The following KBTBD3 variants were observed in gnomAD, a reference collection of about 807,000 sequenced individuals.
KBTBD3 encodes kelch repeat and BTB domain containing 3.
KBTBD3 carries 38 observed loss-of-function variants against 49.6 expected under a neutral mutation model. That is an observed-to-expected ratio of 0.77 (90% confidence interval 0.59 to 1.00). KBTBD3 has a LOEUF of 1.00. Ranked by LOEUF, KBTBD3 falls within the 50% of genes least tolerant of loss-of-function variation. The pLI is 0.00. For synonymous variants in KBTBD3, 214 were observed against 250.4 expected (o/e 0.85, Z 1.37); for missense variants, 661 against 712.0 (o/e 0.93, Z 0.81).
intron 2 of KBTBD3, among the ~76,000 whole-genome samples, chr11:106,073,512 G>C (rs1860965053): frequency 6.6e-6 from 1 of 152,120 alleles, no homozygotes; most frequent in South Asian, 2.1e-4. Context: ...GATAATTTAA[G>C]TAATTTGGCT....
chr11:106,054,854 C>T (rs1860520156), intron 3 of KBTBD3, among the ~76,000 whole-genome samples: 2 of 151,972 alleles, frequency 1.3e-5, no homozygotes, highest in South Asian at 4.1e-4. Context: ...TTATTTAGGG[C>T]TTAGGATTTA....
intron 2 of KBTBD3, among the ~76,000 whole-genome samples, chr11:106,072,565 T>C (rs1449257195): frequency 6.6e-6 from 1 of 152,202 alleles, no homozygotes; most frequent in Non-Finnish European, 1.5e-5. Flanking sequence ...TTTAAAAGCC[T>C]TCCATTAAAA....
At chr11:106,076,933 C>A (rs1478207165) in intron 1 of KBTBD3, among the ~76,000 whole-genome samples, 1 of 152,226 alleles carries the variant, frequency 6.6e-6, no homozygotes, top group Non-Finnish European at 1.5e-5. Context: ...AAACAGCCAG[C>A]ATTAGCTCAG....
intron 2 of KBTBD3, among the ~76,000 whole-genome samples, chr11:106,061,979 T>C (rs1860705038): frequency 6.6e-6 from 1 of 151,828 alleles, no homozygotes; most frequent in Non-Finnish European, 1.5e-5. Flanking sequence ...ATTCTCATCA[T>C]CACAGAAAGT....
chr11:106,067,688 T>G lies in KBTBD3; in HGVS notation c.-12-8579A>C, dbSNP rs1416314268. Among the ~76,000 whole-genome samples the G allele has an allele frequency of 2.0e-5, 3 of 149,176 alleles. No homozygotes were observed. In the East Asian group the frequency reaches 5.9e-4, roughly 29 times the overall value. ...AATCAAAATTAAATTCTAAAAAAAG[T>G]TCAAGTAAGCCACAGGAGACAGACA... On this transcript the variant is annotated intron_variant, in intron 2 of 3. Transcript: ENST00000531837.
intron 3 of KBTBD3, chr11:106,057,549 C>T (rs2135000164): frequency 6.6e-6 from 1 of 152,420 alleles, no homozygotes; most frequent in East Asian, 1.9e-4. Flanking sequence ...ACAATTAACA[C>T]AGTAATTGCA....
chr11:106,052,891 T>G lies in KBTBD3; in HGVS notation c.1798A>C (p.Asn600His). ...TEFYCQVIQF[N>H]KYRDPWFSNL... ...GAAAACCATGGGTCTCTGTATTTAT[T>G]AAACTGAATCACCTGGCAGTAAAAT... Residue 600 changes from asparagine to histidine, a missense_variant, in exon 4 of 4, where the codon AAT becomes CAT. Physicochemically the swap from Asn to His is moderately conservative, Grantham distance 68. Transcript: ENST00000531837. The G allele has an allele frequency of 6.2e-7, 1 of 1,613,592 alleles. No individual in the cohort carries two copies. Among genetic ancestry groups the G allele is most frequent in the South Asian group, 1.1e-5 (1 of 91,060 alleles).
At chr11:106,061,068 C>T (rs1295593273) in intron 2 of KBTBD3, among the ~76,000 whole-genome samples, 2 of 152,124 alleles carry the variant, frequency 1.3e-5, no homozygotes, top group Non-Finnish European at 2.9e-5. Flanking sequence ...AAAATCTCAT[C>T]CTCACTGATC....
At chr11:106,075,617 T>G (rs1480645661) in intron 2 of KBTBD3, 3 of 152,176 alleles carry the variant, frequency 2.0e-5, no homozygotes, top group Admixed American at 2.0e-4. Context: ...TAAGCTAAGC[T>G]CTGGAGAATT....
intron 3 of KBTBD3, among the ~76,000 whole-genome samples, chr11:106,057,012 G>T (rs1227182789): frequency 6.6e-6 from 1 of 152,176 alleles, no homozygotes; most frequent in Non-Finnish European, 1.5e-5. Flanking sequence ...AAAAAGAATA[G>T]ATGAAGACAT....
rs1300589898 is a variant in KBTBD3, at chr11:106,058,883, G to A, written c.215C>T (p.Ala72Val). 7.6e-6 allele frequency: 12 copies of A among 1,569,258 alleles called. No homozygotes were observed. The highest frequency in any genetic ancestry group is 1.0e-5 in the Non-Finnish European group (12 of 1,163,232). Residue 72 changes from alanine (A) to valine (V), a missense_variant, in exon 3 of 4, where the codon GCA (alanine) becomes GTA (valine). Physicochemically the swap from Ala to Val is moderately conservative, Grantham distance 64. Transcript: ENST00000531837. ...AAAGTACCTGAAAAAGTCACTGCATGCTGCTAACACACAACGATGACACGG... is the reference window on the plus strand; with the variant it reads ...AAAGTACCTGAAAAAGTCACTGCATACTGCTAACACACAACGATGACACGG... Reference protein sequence around the residue: ...IIPCHRCVLAACSDFFRAMFE... With the variant: ...IIPCHRCVLAVCSDFFRAMFE...
intron 3 of KBTBD3, 51 bp from the exon 4 acceptor site, chr11:106,054,506 T>G (rs778148379): frequency 7.3e-7 from 1 of 1,361,426 alleles, no homozygotes; most frequent in South Asian, 1.9e-5. Flanking sequence ...TATTCCATAA[T>G]TATTTTCAAT....
intron 2 of KBTBD3, among the ~76,000 whole-genome samples, chr11:106,060,096 G>A (rs1321593045): frequency 2.0e-5 from 3 of 151,772 alleles, no homozygotes; most frequent in South Asian, 2.1e-4. Context: ...CCTCATTCAC[G>A]TTTCTTATGA....
At position 106,052,793 on chromosome 11, in the gene KBTBD3, T is replaced by C. The variant is rs192493983; in HGVS notation, c.*57A>G. The stretch of plus-strand genomic sequence containing the variant: ...TAAGATGTATAGATCTTTTTACCTA[T>C]CATTTTGGTTAACAAATTTACTTTA... On this transcript the variant is annotated 3_prime_UTR_variant, in exon 4 of 4. Transcript: ENST00000531837. The C allele has an allele frequency of 5.9e-6, 8 of 1,348,328 alleles. No homozygotes were observed. In the South Asian group the frequency reaches 1.1e-4, roughly 18 times the overall value. 83.5% of individuals were successfully genotyped at this position (1,348,328 alleles called of 1,614,324 possible).
intron 3 of KBTBD3, 176 bp downstream of exon 3, chr11:106,058,689 G>A (rs1054678009): frequency 1.8e-6 from 1 of 552,004 alleles, no homozygotes; most frequent in Non-Finnish European, 3.1e-6. Flanking sequence ...CTCTTAGGGT[G>A]TTGGGATTAC....
rs61018454 is a variant in KBTBD3 at position 106,063,940 on chromosome 11, G to A, written c.-12-4831C>T. ...GAGAGACTCTGTCTCAAAAAGAAAC[G>A]TAATTTAGCATATAATGTGTGTAAA... On this transcript the variant is annotated intron_variant, in intron 2 of 3. Coordinates refer to ENST00000531837, the MANE Select transcript of KBTBD3 (RefSeq NM_198439.3). Among the ~76,000 whole-genome samples, 503 of 152,030 alleles carry A rather than the reference G, an allele frequency of 3.3e-3. 2 individuals carry two copies. Among genetic ancestry groups the A allele is most frequent in the African/African-American group, 0.011 (475 of 41,454 alleles).
intron 3 of KBTBD3, 90 bp downstream of exon 3, chr11:106,058,775 A>T: frequency 1.3e-6 from 1 of 741,496 alleles, no homozygotes; most frequent in Non-Finnish European, 2.2e-6. Flanking sequence ...TTACTGTTGC[A>T]TGTTCTTGTG....
intron 2 of KBTBD3, among the ~76,000 whole-genome samples, chr11:106,069,633 G>A (rs11824559): frequency 0.082 from 12,399 of 151,704 alleles, 538 homozygotes; most frequent in Middle Eastern, 0.15. Flanking sequence ...GGAAAGACAT[G>A]CCATGTCTGC....
At chr11:106,067,358 C>T (rs891950553) in intron 2 of KBTBD3, among the ~76,000 whole-genome samples, 1 of 152,150 alleles carries the variant, frequency 6.6e-6, no homozygotes, top group Non-Finnish European at 1.5e-5. Flanking sequence ...AATCCCAACA[C>T]TTGGGGAGGC....
Sources: gnomAD v4.1 joint callset for allele counts (sites outside exome capture counted in the v4.1 genomes callset) on GRCh38, gnomAD v4.1.1 for gene constraint, MANE v1.5 for transcripts, NCBI Gene and HGNC (gene_info 2026-07-23, HGNC 2026-07-21) for gene names.